GABRB2: variants seen among roughly 807,000 people sequenced by gnomAD.
The protein encoded by GABRB2 is gamma-aminobutyric acid receptor subunit beta-2.
A neutral mutation model predicts 54.7 loss-of-function variants in GABRB2; 16 were observed. The ratio of observed to expected loss-of-function variants is 0.29; its 90% CI spans 0.20 to 0.44. The LOEUF (loss-of-function observed/expected upper bound fraction) is 0.44, where lower values mean the gene tolerates loss of function less well. Among genes scored for constraint, GABRB2 ranks in the 20% least tolerant of loss-of-function variants. The pLI is 1.00. For synonymous variants in GABRB2, 244 were observed against 233.8 expected (o/e 1.04, Z -0.40); for missense variants, 355 against 644.0 (o/e 0.55, Z 4.86).
intron 9 of GABRB2, among the ~76,000 whole-genome samples, chr5:161,317,361 C>T (rs934149385): frequency 6.6e-6 from 1 of 152,040 alleles, no homozygotes; most frequent in Non-Finnish European, 1.5e-5. Context: ...AAGAGAAAAG[C>T]AGAAGTGCCC....
upstream of GABRB2, chr5:161,548,238 G>C: frequency 1.3e-5 from 2 of 152,316 alleles, 1 homozygote; most frequent in African/African-American, 4.8e-5. Context: ...GGGGAAATTG[G>C]GGGAGGGAGA....
At chr5:161,358,242 T>C (rs1479379752) in intron 5 of GABRB2, among the ~76,000 whole-genome samples, 1 of 152,174 alleles carries the variant, frequency 6.6e-6, no homozygotes, top group African/African-American at 2.4e-5. Flanking sequence ...CAGTTTCAAT[T>C]GCTCCTGCTA....
chr5:161,331,377 G>A (rs983546637), intron 7 of GABRB2, among the ~76,000 whole-genome samples: 1 of 152,016 alleles, frequency 6.6e-6, no homozygotes, highest in Non-Finnish European at 1.5e-5. Flanking sequence ...TATCTAGTGC[G>A]GGGTTAAAAC....
intron 9 of GABRB2, among the ~76,000 whole-genome samples, chr5:161,306,190 GT>G (rs1231587235): frequency 6.6e-6 from 1 of 152,200 alleles, no homozygotes; most frequent in Non-Finnish European, 1.5e-5. Flanking sequence ...CACTGCCTCA[GT>G]TCCAGGCAAG....
At chr5:161,408,271 C>A (rs759127609) in intron 5 of GABRB2, among the ~76,000 whole-genome samples, 16 of 151,998 alleles carry the variant, frequency 1.1e-4, no homozygotes, top group Non-Finnish European at 2.4e-4. Flanking sequence ...ATACTACTTA[C>A]AAATATATTG....
chr5:161,366,807 C>T (rs1336942710), intron 5 of GABRB2, among the ~76,000 whole-genome samples: 1 of 152,020 alleles, frequency 6.6e-6, no homozygotes, highest in Non-Finnish European at 1.5e-5. Flanking sequence ...ATTAAGTAGG[C>T]GTGGTGGCAG....
rs1757255596 is a variant in GABRB2 at position 161,292,116 on chromosome 5, C to A, written c.*1965G>T. ...ACTGGTGAAAAACAAAATACCATTCCATTTTGGGGCAAATTCAGAAAGCTG... is the reference window on the plus strand; with the variant it reads ...ACTGGTGAAAAACAAAATACCATTCAATTTTGGGGCAAATTCAGAAAGCTG... On this transcript the variant is annotated 3_prime_UTR_variant, in exon 10 of 10. Transcript: ENST00000393959. 1 of 152,158 alleles carries A rather than the reference C, an allele frequency of 6.6e-6. No homozygotes were observed. The highest frequency in any genetic ancestry group is 1.5e-5 in the Non-Finnish European group (1 of 68,020). 9.4% of individuals were successfully genotyped at this position (152,158 alleles called of 1,614,324 possible).
chr5:161,525,227 C>T (rs915471598), intron 3 of GABRB2, among the ~76,000 whole-genome samples: 1 of 151,170 alleles, frequency 6.6e-6, no homozygotes, highest in African/African-American at 2.4e-5. Context: ...TGGCTGACCC[C>T]TGATCTAAAA....
At chr5:161,428,610 G>A (rs1757080522) in intron 4 of GABRB2, among the ~76,000 whole-genome samples, 1 of 152,040 alleles carries the variant, frequency 6.6e-6, no homozygotes, top group South Asian at 2.1e-4. Context: ...ATTTCAAAAA[G>A]TCATTAAACT....
At chr5:161,484,866 C>T (rs987390125) in intron 3 of GABRB2, among the ~76,000 whole-genome samples, 3 of 151,934 alleles carry the variant, frequency 2.0e-5, no homozygotes, top group African/African-American at 4.8e-5. Context: ...CACTGCATCA[C>T]CCTGCTTACA....
intron 3 of GABRB2, among the ~76,000 whole-genome samples, chr5:161,472,722 G>A (rs1356598736): frequency 6.6e-6 from 1 of 151,850 alleles, no homozygotes; most frequent in Non-Finnish European, 1.5e-5. Flanking sequence ...TAATTAGAGG[G>A]ATGTACGGTG....
intron 5 of GABRB2, among the ~76,000 whole-genome samples, chr5:161,373,272 G>A (rs1388046226): frequency 6.6e-6 from 1 of 152,108 alleles, no homozygotes; most frequent in Non-Finnish European, 1.5e-5. Flanking sequence ...TGGTCTTACT[G>A]TCCCCACACA....
At chr5:161,352,889 G>A (rs1298189298) in intron 5 of GABRB2, among the ~76,000 whole-genome samples, 3 of 151,660 alleles carry the variant, frequency 2.0e-5, no homozygotes, top group Non-Finnish European at 2.9e-5. Flanking sequence ...ATGGCCACAC[G>A]GTCTTAGTAG....
chr5:161,509,529 T>A (rs545858412), intron 3 of GABRB2, among the ~76,000 whole-genome samples: 96 of 151,968 alleles, frequency 6.3e-4, no homozygotes, highest in Non-Finnish European at 1.1e-3. Flanking sequence ...CCTCTTGGAA[T>A]CAGCTCCACA....
Position 161,344,327 on chromosome 5 carries a change from C to T in GABRB2, c.542-7558G>A, listed in dbSNP as rs1754256034. Among the ~76,000 whole-genome samples, 3 of 151,938 alleles carry T rather than the reference C, an allele frequency of 2.0e-5. No homozygotes were observed. In the South Asian group the frequency reaches 6.2e-4, roughly 32 times the overall value. The stretch of plus-strand genomic sequence containing the variant: ...GAAAATACAGAGATGGGGCTAGGTC[C>T]AAAATTTTTCTGCAAATTTGTAGTC... On this transcript the variant is annotated intron_variant, in intron 5 of 9. Coordinates refer to ENST00000393959, the MANE Select transcript of GABRB2 (RefSeq NM_001371727.1).
chr5:161,414,228 T>C (rs969047683), intron 4 of GABRB2, among the ~76,000 whole-genome samples: 2 of 152,216 alleles, frequency 1.3e-5, no homozygotes, highest in African/African-American at 4.8e-5. Flanking sequence ...TGGTCGATGA[T>C]GAGTAACAGA....
At chr5:161,294,465 A>C in intron 9 of GABRB2, 37 bp from the exon 10 acceptor site, 1 of 1,572,564 alleles carries the variant, frequency 6.4e-7, no homozygotes, top group South Asian at 1.1e-5. Flanking sequence ...AATCAGAACA[A>C]TGAAGCTTTA....
chr5:161,315,589 C>G (rs193167968), intron 9 of GABRB2, among the ~76,000 whole-genome samples: 5 of 152,166 alleles, frequency 3.3e-5, no homozygotes, highest in African/African-American at 1.2e-4. Flanking sequence ...TACTTTACAA[C>G]TTAGAAAATA....
chr5:161,414,332 G>A (rs1455779377), intron 4 of GABRB2, among the ~76,000 whole-genome samples: 1 of 152,232 alleles, frequency 6.6e-6, no homozygotes, highest in South Asian at 2.1e-4. Context: ...ACAAAAGTAG[G>A]AATGTTTTTA....
Sources: allele counts gnomAD v4.1 joint callset (sites outside exome capture counted in the v4.1 genomes callset), GRCh38; gene constraint gnomAD v4.1.1; transcripts MANE v1.5; gene names NCBI Gene and HGNC (gene_info 2026-07-23, HGNC 2026-07-21).